LRMDA: variants seen among roughly 807,000 people sequenced by gnomAD.
LRMDA encodes the protein leucine-rich melanocyte differentiation-associated protein.
Under a neutral mutation model 29.8 loss-of-function variants are expected in LRMDA, and 18 were observed. The observed-to-expected ratio is 0.60, with a 90% CI of 0.42 to 0.90. The LOEUF (loss-of-function observed/expected upper bound fraction) is 0.90, where lower values mean the gene tolerates loss of function less well. Ranked by LOEUF, LRMDA falls within the 40% of genes least tolerant of loss-of-function variation. The probability of loss-of-function intolerance (pLI) is 0.00; values close to 1 mark genes in which losing one functional copy is unlikely to be tolerated. For missense variants in LRMDA, 273 were observed against 273.9 expected (o/e 1.00, Z 0.02); for synonymous variants, 125 against 109.4 (o/e 1.14, Z -0.89).
intron 5 of LRMDA, among the ~76,000 whole-genome samples, chr10:76,256,812 A>G (rs1852602870): frequency 1.3e-5 from 2 of 152,204 alleles, no homozygotes; most frequent in East Asian, 3.8e-4. Flanking sequence ...CTAGCTCTCC[A>G]GGAAGCCTTA....
At chr10:75,438,597 G>A in intron 2 of LRMDA, 103 bp downstream of exon 2, 1 of 850,762 alleles carries the variant, frequency 1.2e-6, no homozygotes, top group Non-Finnish European at 1.9e-6. Context: ...CTCCACATGG[G>A]TTGTCCTTTT....
At chr10:75,566,011 G>A (rs1430335) in intron 2 of LRMDA, among the ~76,000 whole-genome samples, 91,479 of 151,992 alleles carry the variant, frequency 0.6, 31,031 homozygotes, top group East Asian at 0.85. Flanking sequence ...GAAGGTCAAG[G>A]CTGCAGTGAA....
chr10:75,785,877 C>T (rs1384058888), intron 2 of LRMDA, among the ~76,000 whole-genome samples: 4 of 152,250 alleles, frequency 2.6e-5, no homozygotes, highest in African/African-American at 9.6e-5. Context: ...CACCACCTCC[C>T]GGAGAACACA....
At chr10:75,893,220 C>A (rs1845524190) in intron 2 of LRMDA, among the ~76,000 whole-genome samples, 2 of 152,112 alleles carry the variant, frequency 1.3e-5, no homozygotes, top group South Asian at 4.1e-4. Context: ...AGTTGACCCC[C>A]TAAAGAGTTA....
chr10:76,174,524 A>C lies in LRMDA; in HGVS notation c.516+115741A>C, dbSNP rs375109593. 2.6e-5 allele frequency among the ~76,000 whole-genome samples: 4 copies of C among 152,240 alleles called. No homozygotes were observed. In the South Asian group the frequency reaches 6.2e-4, roughly 24 times the overall value. ...GACCTTTTCCTAAAAGGAAAACATTATTCTTCTCCATCTTATCCTCATTGT... is the reference window on the plus strand; with the variant it reads ...GACCTTTTCCTAAAAGGAAAACATTCTTCTTCTCCATCTTATCCTCATTGT... On this transcript the variant is annotated intron_variant, in intron 5 of 6. Coordinates refer to ENST00000611255, the MANE Select transcript of LRMDA (RefSeq NM_001305581.2).
intron 2 of LRMDA, among the ~76,000 whole-genome samples, chr10:75,569,708 G>T (rs944397869): frequency 2.6e-5 from 4 of 152,194 alleles, no homozygotes; most frequent in African/African-American, 7.2e-5. Context: ...GCCTGCAGAC[G>T]AATCACACAA....
chr10:75,939,784 G>A (rs978483331), intron 2 of LRMDA, among the ~76,000 whole-genome samples: 1 of 152,112 alleles, frequency 6.6e-6, no homozygotes, highest in Non-Finnish European at 1.5e-5. Flanking sequence ...TGGCTCTCAG[G>A]CTTCCTAGTC....
At chr10:75,601,465 T>C (rs1564519691) in intron 2 of LRMDA, 2 of 152,240 alleles carry the variant, frequency 1.3e-5, no homozygotes, top group African/African-American at 2.4e-5. Context: ...TAATGGATAC[T>C]CTCACAGTGT....
chr10:75,767,563 T>C (rs2132232371), intron 2 of LRMDA, among the ~76,000 whole-genome samples: 2 of 151,732 alleles, frequency 1.3e-5, no homozygotes, highest in Middle Eastern at 6.9e-3. Context: ...GTCTTAGTGC[T>C]GTCGGTGAAG....
chr10:75,915,120 C>CTTTTTTTTTTTT (rs71024579), intron 2 of LRMDA, among the ~76,000 whole-genome samples: 2 of 75,218 alleles, frequency 2.7e-5, no homozygotes, highest in East Asian at 4.3e-4. Flanking sequence ...GTCTAACCTT[C>CTTTTTTTTTTTT]TTTTTTTTTT....
In LRMDA at chr10:76,277,166, A is replaced by G. The variant is rs183736711; in HGVS notation, c.517-47235A>G. 1.2e-4 allele frequency among the ~76,000 whole-genome samples: 18 copies of G among 152,310 alleles called. No homozygotes were observed. In the Middle Eastern group the frequency reaches 0.01, roughly 86 times the overall value. ...TCTTCAGCCCAGAAATTTGAAATAG[A>G]AATAGAAAGTGGAGTTTGAGATTTC... On this transcript the variant is annotated intron_variant, in intron 5 of 6. Coordinates refer to ENST00000611255, the MANE Select transcript of LRMDA (RefSeq NM_001305581.2).
At chr10:76,501,612 A>G (rs1044950231) in intron 6 of LRMDA, among the ~76,000 whole-genome samples, 2 of 151,992 alleles carry the variant, frequency 1.3e-5, no homozygotes, top group South Asian at 4.1e-4. Context: ...AATTTCTCTA[A>G]TGATTAGTGA....
At chr10:75,554,219 A>G (rs1840187480) in intron 2 of LRMDA, among the ~76,000 whole-genome samples, 1 of 152,134 alleles carries the variant, frequency 6.6e-6, no homozygotes, top group South Asian at 2.1e-4. Flanking sequence ...AGTTTTCTGC[A>G]TCCTGAGAAG....
intron 6 of LRMDA, among the ~76,000 whole-genome samples, chr10:76,511,178 C>A (rs1843006404): frequency 6.6e-6 from 1 of 152,110 alleles, no homozygotes; most frequent in Non-Finnish European, 1.5e-5. Flanking sequence ...TTATTATTTA[C>A]ATCATGAGGC....
chr10:75,771,400 C>T (rs1355090793), intron 2 of LRMDA, among the ~76,000 whole-genome samples: 1 of 152,020 alleles, frequency 6.6e-6, no homozygotes, highest in Non-Finnish European at 1.5e-5. Context: ...CAAGAGAGGA[C>T]ATTTATGCTG....
chr10:75,709,044 C>T (rs904752604), intron 2 of LRMDA, among the ~76,000 whole-genome samples: 2 of 152,172 alleles, frequency 1.3e-5, no homozygotes, highest in Non-Finnish European at 1.5e-5. Flanking sequence ...CTTATTTCTT[C>T]ACTTATTTGC....
chr10:75,881,561 C>G (rs774888631), intron 2 of LRMDA, among the ~76,000 whole-genome samples: 21 of 152,120 alleles, frequency 1.4e-4, no homozygotes, highest in Non-Finnish European at 2.4e-4. Flanking sequence ...TTTTTGCAAC[C>G]AATCAGACGT....
intron 2 of LRMDA, among the ~76,000 whole-genome samples, chr10:75,606,975 C>T (rs569338100): frequency 6.6e-6 from 1 of 152,278 alleles, no homozygotes; most frequent in African/African-American, 2.4e-5. Flanking sequence ...AATAAAATCC[C>T]ATGAATTCAA....
At chr10:75,582,814 A>C (rs7081262) in intron 2 of LRMDA, among the ~76,000 whole-genome samples, 93,073 of 151,988 alleles carry the variant, frequency 0.61, 31,501 homozygotes, top group East Asian at 0.85. Flanking sequence ...TACATCATTT[A>C]TTTGCTCGTG....
Sources: allele counts gnomAD v4.1 joint callset (sites outside exome capture counted in the v4.1 genomes callset), GRCh38; gene constraint gnomAD v4.1.1; transcripts MANE v1.5; gene names NCBI Gene and HGNC (gene_info 2026-07-23, HGNC 2026-07-21).